Variants in ENTREP2 observed in about 807,000 individuals in gnomAD.
The protein encoded by ENTREP2 is protein ENTREP2.
the ENTREP2 span, among the ~76,000 whole-genome samples, chr15:29,440,431 T>C: frequency 6.6e-6 from 1 of 152,178 alleles, no homozygotes; most frequent in East Asian, 1.9e-4. Flanking sequence ...GCATTGATCA[T>C]AAAATTTTCT....
the ENTREP2 span, chr15:29,268,588 T>C: frequency 2.0e-6 from 1 of 489,034 alleles, no homozygotes; most frequent in East Asian, 3.2e-5. Flanking sequence ...TCAAAACAAA[T>C]GCTCCTTTGT....
the ENTREP2 span, among the ~76,000 whole-genome samples, chr15:29,251,116 C>G: frequency 3.8e-3 from 584 of 152,314 alleles, 2 homozygotes; most frequent in African/African-American, 0.013. Flanking sequence ...CATGGTCCCA[C>G]AGCAGAAAAG....
the ENTREP2 span, among the ~76,000 whole-genome samples, chr15:29,402,302 GTGTGTGTGTGTGTGTGTATA>G: frequency 6.8e-4 from 92 of 134,360 alleles, no homozygotes; most frequent in African/African-American, 2.5e-3. Context: ...TTGTGTGTGT[GTGTGTGTGTGTGTGTGTATA>G]TATGTATATT....
At chr15:29,294,159 C>G in the ENTREP2 span, among the ~76,000 whole-genome samples, 1 of 152,156 alleles carries the variant, frequency 6.6e-6, no homozygotes, top group African/African-American at 2.4e-5. Context: ...AGCCAGAGCC[C>G]CAGCCCCAGG....
the ENTREP2 span, among the ~76,000 whole-genome samples, chr15:29,410,931 G>A: frequency 2.3e-4 from 35 of 152,106 alleles, no homozygotes; most frequent in Non-Finnish European, 3.5e-4. Context: ...GATTACAGGC[G>A]TGCGCCACCG....
chr15:29,159,910 C>T, the ENTREP2 span, among the ~76,000 whole-genome samples: 4 of 152,384 alleles, frequency 2.6e-5, no homozygotes, highest in East Asian at 1.9e-4. Context: ...GCCAGTACCG[C>T]GCTGTGCGCC....
At chr15:29,608,522 TTTATTATTA>T in the ENTREP2 span, among the ~76,000 whole-genome samples, 2,458 of 140,524 alleles carry the variant, frequency 0.017, 79 homozygotes, top group African/African-American at 0.06. Context: ...TCCTGCCTTC[TTTATTATTA>T]TTATTATTAT....
chr15:29,444,212 AAGAAAGAAAGAAAG>A, the ENTREP2 span, among the ~76,000 whole-genome samples: 2 of 150,366 alleles, frequency 1.3e-5, no homozygotes, highest in Non-Finnish European at 3.0e-5. Flanking sequence ...GAAAGAAAGA[AAGAAAGAAAGAAAG>A]AAAGAAAGAA....
chr15:29,480,783 C>T, the ENTREP2 span, among the ~76,000 whole-genome samples: 10 of 152,078 alleles, frequency 6.6e-5, no homozygotes, highest in African/African-American at 2.4e-4. Flanking sequence ...TCTGACTTTC[C>T]GAAGGTGTGA....
At chr15:29,161,973 C>T in the ENTREP2 span, among the ~76,000 whole-genome samples, 1 of 152,024 alleles carries the variant, frequency 6.6e-6, no homozygotes, top group Non-Finnish European at 1.5e-5. Context: ...TGGAAGACAC[C>T]CCAAATACTG....
chr15:29,227,410 T>A, the ENTREP2 span, among the ~76,000 whole-genome samples: 1 of 152,158 alleles, frequency 6.6e-6, no homozygotes, highest in Middle Eastern at 3.4e-3. Context: ...CGCCTGGAGT[T>A]TACAGGGGGC....
At chr15:29,606,291 G>A in the ENTREP2 span, among the ~76,000 whole-genome samples, 1 of 148,706 alleles carries the variant, frequency 6.7e-6, no homozygotes, top group South Asian at 2.1e-4. Flanking sequence ...CTGGAGTGCA[G>A]TGGCTCAATC....
the ENTREP2 span, among the ~76,000 whole-genome samples, chr15:29,143,550 C>A: frequency 6.6e-6 from 1 of 152,180 alleles, no homozygotes; most frequent in Non-Finnish European, 1.5e-5. Flanking sequence ...CACAACAGGG[C>A]ACCAGAGAAG....
the ENTREP2 span, among the ~76,000 whole-genome samples, chr15:29,136,000 A>G: frequency 6.6e-6 from 1 of 152,074 alleles, no homozygotes; most frequent in Non-Finnish European, 1.5e-5. This position sits in a 1 kb window ranked among gnomAD's most constrained non-coding sequence, Gnocchi z 7.4. Flanking sequence ...CAGACCACCT[A>G]CCAGCACAAA....
chr15:29,151,690 C>T, the ENTREP2 span: 1 of 1,467,262 alleles, frequency 6.8e-7, no homozygotes, highest in South Asian at 1.2e-5. Flanking sequence ...CACTCCTACA[C>T]TGGTTTCAAA....
the ENTREP2 span, chr15:29,376,789 G>C: frequency 6.6e-6 from 1 of 152,344 alleles, no homozygotes; most frequent in Middle Eastern, 3.4e-3. Context: ...GCTGCAGCAG[G>C]GCTCCGGATG....
the ENTREP2 span, among the ~76,000 whole-genome samples, chr15:29,528,574 T>C: frequency 1.3e-5 from 2 of 152,012 alleles, no homozygotes; most frequent in African/African-American, 4.8e-5. Flanking sequence ...AACCCAAAAA[T>C]AAAGATGTAA....
At chr15:29,527,573 C>T in the ENTREP2 span, among the ~76,000 whole-genome samples, 1 of 152,148 alleles carries the variant, frequency 6.6e-6, no homozygotes, top group Admixed American at 6.5e-5. Flanking sequence ...TACTTTACTC[C>T]TAGGTAATTC....
the ENTREP2 span, among the ~76,000 whole-genome samples, chr15:29,264,170 TC>T: frequency 1.8e-5 from 1 of 54,866 alleles, no homozygotes; most frequent in Non-Finnish European, 3.7e-5. Context: ...AAAAAAGAAC[TC>T]CCTCTCTTTT....
Sources: allele counts gnomAD v4.1 joint callset (sites outside exome capture counted in the v4.1 genomes callset), GRCh38; gene constraint gnomAD v4.1.1; non-coding constraint Gnocchi (gnomAD v3.1); transcripts MANE v1.5; gene names NCBI Gene and HGNC (gene_info 2026-07-23, HGNC 2026-07-21).